MAPK13: variants seen among roughly 807,000 people sequenced by gnomAD.
MAPK13 encodes the protein mitogen-activated protein kinase 13, also known as MAP kinase 13.
MAPK13 carries 39 observed loss-of-function variants against 53.5 expected under a neutral mutation model. The ratio of observed to expected loss-of-function variants is 0.73; its 90% CI spans 0.56 to 0.95. The LOEUF is 0.95. Among genes scored for constraint, MAPK13 ranks in the 40% least tolerant of loss-of-function variants. The probability of loss-of-function intolerance (pLI) is 0.00; values close to 1 mark genes in which losing one functional copy is unlikely to be tolerated. For synonymous variants in MAPK13, 179 were observed against 190.9 expected (o/e 0.94, Z 0.51); for missense variants, 460 against 471.8 (o/e 0.98, Z 0.23).
rs1434618391 is a variant in MAPK13 at position 36,139,362 on chromosome 6, A to C, written c.1087A>C (p.Met363Leu). Residue 363 changes from methionine (M) to leucine (L), a missense_variant, in exon 12 of 12, where the codon ATG becomes CTG. Coordinates refer to ENST00000211287, the MANE Select transcript of MAPK13 (RefSeq NM_002754.5). The part of the protein sequence containing the change: ...ARKDSRRRSG[M>L]KL ...GAAGGACTCACGGCGCCGGAGTGGC[A>C]TGAAGCTGTAGGGACTCATCTTGCA... is the stretch of plus-strand genomic sequence containing the variant. The C allele has an allele frequency of 6.2e-7, 1 of 1,614,020 alleles. No homozygotes were observed. Among genetic ancestry groups the C allele is most frequent in the African/African-American group, 1.3e-5 (1 of 74,916 alleles).
At chr6:36,133,864 G>A (rs1455920961) in intron 3 of MAPK13, among the ~76,000 whole-genome samples, 1 of 152,158 alleles carries the variant, frequency 6.6e-6, no homozygotes, top group Non-Finnish European at 1.5e-5. Flanking sequence ...CTGATAGGAG[G>A]CAGAGGAGAG....
intron 9 of MAPK13, 78 bp from the exon 10 acceptor site, chr6:36,138,624 T>TCTGA: frequency 1.4e-6 from 2 of 1,453,584 alleles, no homozygotes; most frequent in South Asian, 2.3e-5. Flanking sequence ...TCAGCCCTGC[T>TCTGA]CTGAGGCTTT....
chr6:36,136,672 T>A lies in MAPK13; in HGVS notation c.512T>A (p.Leu171Gln). 2 of 1,613,982 alleles carry A rather than the reference T, an allele frequency of 1.2e-6. No homozygotes were observed. Among genetic ancestry groups the A allele is most frequent in the East Asian group, 4.5e-5 (2 of 44,890 alleles). Residue 171 changes from leucine (L) to glutamine (Q), a missense_variant, in exon 7 of 12, where the codon CTG becomes CAG. Coordinates refer to ENST00000211287, the MANE Select transcript of MAPK13 (RefSeq NM_002754.5). The stretch of plus-strand genomic sequence containing the variant: ...GTGCCATAGATTCTGGATTTTGGGC[T>A]GGCGCGACATGCAGACGCCGAGATG... ...DCELKILDFG[L>Q]ARHADAEMTG...
intron 8 of MAPK13, among the ~76,000 whole-genome samples, chr6:36,137,875 C>A (rs1766450287): frequency 7.3e-6 from 1 of 137,124 alleles, no homozygotes. Flanking sequence ...AGGAAAATCG[C>A]TTGAACCCAG....
In MAPK13 at chr6:36,140,310, G is replaced by C. The variant is rs182840915; in HGVS notation, c.*937G>C. ...CTGCGAGCTGCACAGGCAGAAATGGGCTCTTGCCTGGCTTGATGGCAAACC... is the reference window on the plus strand; with the variant it reads ...CTGCGAGCTGCACAGGCAGAAATGGCCTCTTGCCTGGCTTGATGGCAAACC... On this transcript the variant is annotated 3_prime_UTR_variant, in exon 12 of 12. Coordinates refer to ENST00000211287, the MANE Select transcript of MAPK13 (RefSeq NM_002754.5). 1.8e-3 allele frequency: 281 copies of C among 152,814 alleles called. 1 individual carries two copies. Among genetic ancestry groups the C allele is most frequent in the Admixed American group, 4.6e-3 (71 of 15,302 alleles). 9.5% of individuals were successfully genotyped at this position (152,814 alleles called of 1,614,324 possible).
intron 5 of MAPK13, 51 bp from the exon 6 acceptor site, chr6:36,136,433 C>T (rs1484720900): frequency 6.7e-7 from 1 of 1,490,220 alleles, no homozygotes; most frequent in East Asian, 2.3e-5. Context: ...GGAGCTAGGA[C>T]AAGCTCCATC....
rs373087034 is a variant in MAPK13, at chr6:36,136,940, G to A, written c.672G>A (p.Lys224=). The change falls in exon 8 of 12, where the codon AAG becomes AAA. Residue 224 remains lysine, a synonymous_variant. Transcript: ENST00000211287. ...TGCTGACAGGGAAAACTCTGTTCAAGGGGAAAGATTGTATCCTTTGCTGGA... is the reference window on the plus strand; with the variant it reads ...TGCTGACAGGGAAAACTCTGTTCAAAGGGAAAGATTGTATCCTTTGCTGGA... ...AEMLTGKTLF[K]GKDYLDQLTQ... The A allele has an allele frequency of 9.3e-6, 15 of 1,614,058 alleles. No individual in the cohort carries two copies. The African/African-American group carries it at 1.6e-4, about 17-fold the overall frequency.
intron 2 of MAPK13, among the ~76,000 whole-genome samples, chr6:36,132,368 A>T (rs1766338147): frequency 6.6e-6 from 1 of 152,320 alleles, no homozygotes; most frequent in East Asian, 1.9e-4. Context: ...CAATGAGCAC[A>T]CATCATTCTC....
At position 36,140,504 on chromosome 6, in the gene MAPK13, A is replaced by G. The variant is rs1281236922; in HGVS notation, c.*1131A>G. Reference sequence around the variant, plus strand: ...CTTGTGCACCAGGGGACTTGTTAAAATGCAGATTCCTGGGCCCCACCCCAG... The same window carrying G: ...CTTGTGCACCAGGGGACTTGTTAAAGTGCAGATTCCTGGGCCCCACCCCAG... On this transcript the variant is annotated 3_prime_UTR_variant, in exon 12 of 12. Transcript: ENST00000211287. The G allele has an allele frequency of 6.6e-6, 1 of 152,600 alleles. No homozygotes were observed. The highest frequency in any genetic ancestry group is 2.4e-5 in the African/African-American group (1 of 41,402). 9.5% of individuals were successfully genotyped at this position (152,600 alleles called of 1,614,324 possible).
chr6:36,136,404 C>A, intron 5 of MAPK13, 80 bp from the exon 6 acceptor site: 1 of 1,277,594 alleles, frequency 7.8e-7, no homozygotes, highest in South Asian at 1.5e-5. Context: ...TGGCTGAGGT[C>A]ACACCCCTGG....
rs554707509 is a variant in MAPK13 at position 36,132,769 on chromosome 6, C to A, written c.308+90C>A. 6.5e-4 allele frequency: 887 copies of A among 1,368,090 alleles called. 11 individuals are homozygous for A. The South Asian group carries it at 9.8e-3, about 15-fold the overall frequency. The allele number at this position is 1,368,090 out of a possible 1,614,324, so 84.7% of individuals were successfully genotyped here. On this transcript the variant is annotated intron_variant, in intron 3 of 11. Coordinates refer to ENST00000211287, the MANE Select transcript of MAPK13 (RefSeq NM_002754.5). ...GGGGGAGGGTCTAGGGTTTCTATTCCGGGTGTGGCGGGGAGAGCCTCCTTC... is the reference window on the plus strand; with the variant it reads ...GGGGGAGGGTCTAGGGTTTCTATTCAGGGTGTGGCGGGGAGAGCCTCCTTC...
At chr6:36,131,537 T>C in intron 2 of MAPK13, 137 bp downstream of exon 2, 1 of 851,228 alleles carries the variant, frequency 1.2e-6, no homozygotes, top group Non-Finnish European at 1.8e-6. Context: ...CGCCTCACTA[T>C]TGAAAGGAGG....
chr6:36,132,118 G>A (rs1766334351), intron 2 of MAPK13, among the ~76,000 whole-genome samples: 1 of 152,240 alleles, frequency 6.6e-6, no homozygotes, highest in African/African-American at 2.4e-5. Flanking sequence ...TCCTTCTCCA[G>A]CAAACCCCTC....
At position 36,136,729 on chromosome 6, in the gene MAPK13, C is replaced by A. The variant is rs769596675; in HGVS notation, c.569C>A (p.Ala190Asp). The A allele has an allele frequency of 1.2e-6, 2 of 1,613,960 alleles. No individual in the cohort carries two copies. Among genetic ancestry groups the A allele is most frequent in the Non-Finnish European group, 1.7e-6 (2 of 1,179,928 alleles). The change falls in exon 7 of 12, where the codon GCC becomes GAC. Residue 190 changes from alanine to aspartate, a missense_variant. Transcript: ENST00000211287. Reference protein sequence around the residue: ...TGYVVTRWYRAPEVILSWMHY... With the variant: ...TGYVVTRWYRDPEVILSWMHY... ...TACGTGGTGACCCGCTGGTACCGAG[C>A]CCCCGAGGTGATCCTCAGCTGGATG... is the stretch of plus-strand genomic sequence containing the variant.
chr6:36,141,984 G>A lies in MAPK13; in HGVS notation c.*2611G>A, dbSNP rs4713932. 1 of 152,386 alleles carries A rather than the reference G, an allele frequency of 6.6e-6. No homozygotes were observed. 9.4% of individuals were successfully genotyped at this position (152,386 alleles called of 1,614,324 possible). A position where few individuals can be genotyped will look rare whatever the true frequency, so the allele number is the denominator to read the frequency against. ...ACTAAAACTGCCCCAGGTTCCCTGA[G>A]TCTACATCCCTCTAAGCCTCCTGAG... On this transcript the variant is annotated 3_prime_UTR_variant, in exon 12 of 12. Transcript: ENST00000211287.
In MAPK13 at chr6:36,138,296, G is replaced by A; in HGVS notation, c.683-69G>A. On this transcript the variant is annotated intron_variant, in intron 8 of 11. Transcript: ENST00000211287. Reference sequence around the variant, plus strand: ...GCCATGGTGCCCGGGTGAAGTGATGGTGGGGTCGCAGGAAGGGCAGTCTCA... The same window carrying A: ...GCCATGGTGCCCGGGTGAAGTGATGATGGGGTCGCAGGAAGGGCAGTCTCA... 2.5e-6 allele frequency: 3 copies of A among 1,191,256 alleles called. No individual in the cohort carries two copies. In the East Asian group the frequency reaches 7.1e-5, roughly 28 times the overall value. The allele number at this position is 1,191,256 out of a possible 1,614,324, so 73.8% of individuals were successfully genotyped here. A position where few individuals can be genotyped will look rare whatever the true frequency, so the allele number is the denominator to read the frequency against.
At position 36,142,848 on chromosome 6, in the gene MAPK13, G is replaced by A. The variant is rs879562635; in HGVS notation, c.*3475G>A. The A allele has an allele frequency of 3.3e-5, 5 of 152,276 alleles. No individual in the cohort carries two copies. The highest frequency in any genetic ancestry group is 7.3e-5 in the Non-Finnish European group (5 of 68,122). 9.4% of individuals were successfully genotyped at this position (152,276 alleles called of 1,614,324 possible). A position where few individuals can be genotyped will look rare whatever the true frequency, so the allele number is the denominator to read the frequency against. Reference sequence around the variant, plus strand: ...CTGTGAAGTTTCTTCAAAAGGCGGTGGAGGTGCTCAGCAGTGCAAGGTGGG... The same window carrying A: ...CTGTGAAGTTTCTTCAAAAGGCGGTAGAGGTGCTCAGCAGTGCAAGGTGGG... On this transcript the variant is annotated 3_prime_UTR_variant, in exon 12 of 12. Coordinates refer to ENST00000211287, the MANE Select transcript of MAPK13 (RefSeq NM_002754.5). The surrounding 1 kb of genome is among the most constrained non-coding windows in gnomAD (Gnocchi z 4.4).
intron 8 of MAPK13, among the ~76,000 whole-genome samples, chr6:36,137,958 CAA>C (rs35527328): frequency 4.8e-5 from 4 of 83,384 alleles, no homozygotes; most frequent in East Asian, 3.6e-4. Context: ...GACCCTGTCT[CAA>C]AAAAAAAAAA....
intron 3 of MAPK13, among the ~76,000 whole-genome samples, chr6:36,133,743 C>G (rs1407841418): frequency 6.6e-6 from 1 of 152,192 alleles, no homozygotes; most frequent in Non-Finnish European, 1.5e-5. Flanking sequence ...TGGGTTATAG[C>G]TGACACCCGG....
Sources: gnomAD v4.1 joint callset for allele counts (sites outside exome capture counted in the v4.1 genomes callset) on GRCh38, gnomAD v4.1.1 for gene constraint, Gnocchi (gnomAD v3.1) non-coding constraint, MANE v1.5 for transcripts, NCBI Gene and HGNC (gene_info 2026-07-23, HGNC 2026-07-21) for gene names.